The following GRID1 variants were observed in gnomAD, a reference collection of about 807,000 sequenced individuals.
GRID1 encodes glutamate ionotropic receptor delta type subunit 1, also known as glutamate receptor ionotropic, delta-1.
In GRID1, 28 loss-of-function variants were observed where a neutral mutation model predicts 98.0. The observed-to-expected ratio is 0.29, with a 90% CI of 0.21 to 0.39. The LOEUF (loss-of-function observed/expected upper bound fraction) is 0.39. Ranked by LOEUF, GRID1 falls within the 10% of genes least tolerant of loss-of-function variation. The probability of loss-of-function intolerance (pLI) is 1.00; values close to 1 mark genes in which losing one functional copy is unlikely to be tolerated. For synonymous variants in GRID1, 553 were observed against 538.5 expected, an observed-to-expected ratio of 1.03 and a Z score of -0.37; for missense variants, 1,111 against 1,340.5, an observed-to-expected ratio of 0.83 and a Z score of 2.67.
chr10:85,679,259 C>T (rs1841180027), intron 12 of GRID1, among the ~76,000 whole-genome samples: 1 of 152,190 alleles, frequency 6.6e-6, no homozygotes, highest in African/African-American at 2.4e-5. Context: ...AGCTCCCAAA[C>T]CATGGATCTC....
Position 85,978,806 on chromosome 10 carries a change from T to C in GRID1, c.727-62567A>G, listed in dbSNP as rs185186491. On this transcript the variant is annotated intron_variant, in intron 4 of 15. Coordinates refer to ENST00000327946, the MANE Select transcript of GRID1 (RefSeq NM_017551.3). ...CAGACTCACCTCCCAGCCATCCAGG[T>C]GCAGGATGCAACCTGCTCAGCTGCA... Among the ~76,000 whole-genome samples, 6 of 152,324 alleles carry C rather than the reference T, an allele frequency of 3.9e-5. No homozygotes were observed. In the East Asian group the frequency reaches 1.2e-3, roughly 29 times the overall value.
chr10:86,146,538 AG>A (rs2131977425), intron 3 of GRID1, among the ~76,000 whole-genome samples: 1 of 152,276 alleles, frequency 6.6e-6, no homozygotes, highest in East Asian at 1.9e-4. Flanking sequence ...CTCCAATCAC[AG>A]GGATACCCTT....
chr10:85,763,717 C>T (rs1842170352), intron 8 of GRID1, among the ~76,000 whole-genome samples: 1 of 152,232 alleles, frequency 6.6e-6, no homozygotes. Flanking sequence ...TTAGAATCAT[C>T]AGTAGACAGA....
At chr10:86,267,990 C>A (rs899828065) in intron 2 of GRID1, among the ~76,000 whole-genome samples, 29 of 152,340 alleles carry the variant, frequency 1.9e-4, no homozygotes, top group Admixed American at 1.7e-3. Context: ...GCTCTGCGCA[C>A]CCACAGCCCG....
At chr10:86,269,863 G>T (rs763421702) in intron 2 of GRID1, among the ~76,000 whole-genome samples, 1 of 152,104 alleles carries the variant, frequency 6.6e-6, no homozygotes, top group Non-Finnish European at 1.5e-5. Flanking sequence ...CCTGAAAGAT[G>T]CCTGTAATAC....
At chr10:86,339,493 G>A (rs1475075473) in intron 2 of GRID1, among the ~76,000 whole-genome samples, 1 of 152,268 alleles carries the variant, frequency 6.6e-6, no homozygotes, top group African/African-American at 2.4e-5. Context: ...GCTGGGCTAG[G>A]CAGGCAGAAC....
At chr10:85,850,870 G>A (rs563684930) in intron 8 of GRID1, among the ~76,000 whole-genome samples, 10 of 152,262 alleles carry the variant, frequency 6.6e-5, no homozygotes, top group South Asian at 4.1e-4. Flanking sequence ...CTCAGGAGAG[G>A]CAGAGCCAGG....
chr10:86,010,546 T>A (rs185788154), intron 4 of GRID1, among the ~76,000 whole-genome samples: 9 of 152,140 alleles, frequency 5.9e-5, no homozygotes, highest in Non-Finnish European at 1.3e-4. Flanking sequence ...AGGCCGGGTA[T>A]GGTGGTTCAT....
intron 12 of GRID1, among the ~76,000 whole-genome samples, chr10:85,690,986 G>A (rs1158612373): frequency 6.6e-6 from 1 of 152,078 alleles, no homozygotes; most frequent in South Asian, 2.1e-4. Flanking sequence ...CATTTATTGA[G>A]GACCAAGTGA....
intron 2 of GRID1, among the ~76,000 whole-genome samples, chr10:86,277,646 G>A (rs2132065843): frequency 6.6e-6 from 1 of 152,166 alleles, no homozygotes; most frequent in African/African-American, 2.4e-5. Context: ...ATAAATTTAG[G>A]ATGTTAAGTG....
chr10:85,777,391 T>A (rs1842341937), intron 8 of GRID1, among the ~76,000 whole-genome samples: 1 of 152,248 alleles, frequency 6.6e-6, no homozygotes, highest in South Asian at 2.1e-4. Context: ...CTGTCAACTT[T>A]GCTGAACATT....
intron 13 of GRID1, among the ~76,000 whole-genome samples, chr10:85,638,475 T>C (rs1283931803): frequency 6.6e-6 from 1 of 152,190 alleles, no homozygotes; most frequent in Non-Finnish European, 1.5e-5. Flanking sequence ...AATCAAGATT[T>C]TTTTATTGGC....
chr10:86,065,014 T>C (rs1005647749), intron 4 of GRID1, among the ~76,000 whole-genome samples: 2 of 152,242 alleles, frequency 1.3e-5, no homozygotes, highest in African/African-American at 2.4e-5. Context: ...CATTACCATG[T>C]AGCAGCCAGA....
At position 85,601,235 on chromosome 10, in the gene GRID1, C is replaced by G. The variant is rs1374469239; in HGVS notation, c.*1038G>C. 2 of 152,650 alleles carry G rather than the reference C, an allele frequency of 1.3e-5. No homozygotes were observed. Among genetic ancestry groups the G allele is most frequent in the Non-Finnish European group, 2.9e-5 (2 of 68,414 alleles). The allele number at this position is 152,650 out of a possible 1,614,324, so 9.5% of individuals were successfully genotyped here. A position where few individuals can be genotyped will look rare whatever the true frequency, so the allele number is the denominator to read the frequency against. On this transcript the variant is annotated 3_prime_UTR_variant, in exon 16 of 16. Transcript: ENST00000327946. ...TTACTAACAGAGTCCGTTTGCCTGA[C>G]ACCACAAAGCTTCTACTCCCTGCAT... is the stretch of plus-strand genomic sequence containing the variant.
chr10:85,615,019 G>A (rs1302768545), intron 14 of GRID1, among the ~76,000 whole-genome samples: 5 of 152,162 alleles, frequency 3.3e-5, no homozygotes, highest in African/African-American at 4.8e-5. Flanking sequence ...TGTCGTTAGA[G>A]AGCAACAGTT....
intron 8 of GRID1, among the ~76,000 whole-genome samples, chr10:85,827,426 A>AGAC: frequency 6.6e-6 from 1 of 152,206 alleles, no homozygotes; most frequent in Non-Finnish European, 1.5e-5. Context: ...AGTCAGACAA[A>AGAC]GACAGACAGA....
At chr10:85,737,147 T>A (rs1292333381) in intron 8 of GRID1, among the ~76,000 whole-genome samples, 3 of 152,068 alleles carry the variant, frequency 2.0e-5, no homozygotes, top group African/African-American at 4.8e-5. Context: ...AGAGTATCCA[T>A]CTCAGTTAGG....
chr10:86,137,685 T>G (rs147453756), intron 4 of GRID1, among the ~76,000 whole-genome samples: 1 of 152,108 alleles, frequency 6.6e-6, no homozygotes, highest in Non-Finnish European at 1.5e-5. Context: ...CAGGGCAACA[T>G]GTTCTGGTGA....
At chr10:85,664,004 C>A (rs1323841743) in intron 12 of GRID1, among the ~76,000 whole-genome samples, 1 of 152,160 alleles carries the variant, frequency 6.6e-6, no homozygotes, top group Admixed American at 6.5e-5. Context: ...GGCACAGTGT[C>A]CTTTCCAGCA....
Sources: allele counts gnomAD v4.1 joint callset (sites outside exome capture counted in the v4.1 genomes callset), GRCh38; gene constraint gnomAD v4.1.1; transcripts MANE v1.5; gene names NCBI Gene and HGNC (gene_info 2026-07-23, HGNC 2026-07-21).